The following SGCD variants were observed in gnomAD, a reference collection of about 807,000 sequenced individuals.
The protein encoded by SGCD is delta-sarcoglycan.
Under a neutral mutation model 36.6 loss-of-function variants are expected in SGCD, and 18 were observed. That is an observed-to-expected ratio of 0.49 (90% confidence interval 0.34 to 0.73). The LOEUF is 0.73. Among genes scored for constraint, SGCD ranks in the 30% least tolerant of loss-of-function variants. The probability of loss-of-function intolerance (pLI) is 0.01; values close to 1 mark genes in which losing one functional copy is unlikely to be tolerated. For synonymous variants in SGCD, 133 were observed against 130.6 expected, an observed-to-expected ratio of 1.02 and a Z score of -0.12; for missense variants, 387 against 346.7, an observed-to-expected ratio of 1.12 and a Z score of -0.92.
chr5:156,686,084 A>G (rs1284234437), intron 7 of SGCD, among the ~76,000 whole-genome samples: 3 of 152,200 alleles, frequency 2.0e-5, no homozygotes, highest in Non-Finnish European at 2.9e-5. Context: ...AATTACTAAG[A>G]ATAGCAGCTA....
chr5:156,002,056 G>A (rs148598040), intron 1 of SGCD, among the ~76,000 whole-genome samples: 2 of 152,362 alleles, frequency 1.3e-5, no homozygotes, highest in Non-Finnish European at 2.9e-5. Context: ...TGACGTTACA[G>A]ACTGAATTGT....
chr5:155,799,395 TA>T, the SGCD span, among the ~76,000 whole-genome samples: 9,884 of 150,068 alleles, frequency 0.066, 640 homozygotes, highest in African/African-American at 0.17. Context: ...ACAATGACTT[TA>T]TTTTTTTTTT....
chr5:155,766,490 A>G, the SGCD span, among the ~76,000 whole-genome samples: 42 of 152,236 alleles, frequency 2.8e-4, 3 homozygotes, highest in East Asian at 8.1e-3. Flanking sequence ...TCCAATATTG[A>G]GTGAGAATGA....
chr5:156,590,635 T>C (rs755165828), intron 5 of SGCD, among the ~76,000 whole-genome samples: 14 of 152,198 alleles, frequency 9.2e-5, no homozygotes, highest in Non-Finnish European at 1.9e-4. Context: ...CTGTTGATCA[T>C]TTCCCATTTA....
intron 7 of SGCD, among the ~76,000 whole-genome samples, chr5:156,686,264 C>T (rs577284614): frequency 6.6e-6 from 1 of 152,220 alleles, no homozygotes; most frequent in South Asian, 2.1e-4. Flanking sequence ...GCTCAGCTGC[C>T]ATTCGAATTC....
chr5:156,740,843 A>G (rs1057392797), intron 7 of SGCD, among the ~76,000 whole-genome samples: 22 of 152,208 alleles, frequency 1.4e-4, no homozygotes, highest in African/African-American at 3.1e-4. Context: ...TCTGACCACA[A>G]TGAAATTTCC....
At chr5:156,316,465 T>C (rs767392813) in intron 3 of SGCD, among the ~76,000 whole-genome samples, 1 of 151,736 alleles carries the variant, frequency 6.6e-6, no homozygotes, top group Non-Finnish European at 1.5e-5. Context: ...ACAAAAATAA[T>C]AGGAATCACA....
At chr5:156,546,395 G>A (rs1199811979) in intron 4 of SGCD, among the ~76,000 whole-genome samples, 1 of 152,126 alleles carries the variant, frequency 6.6e-6, no homozygotes, top group Non-Finnish European at 1.5e-5. Context: ...AGGACCAGCA[G>A]GTATGTAGAT....
At chr5:155,853,681 G>A in the SGCD span, among the ~76,000 whole-genome samples, 10 of 152,234 alleles carry the variant, frequency 6.6e-5, no homozygotes, top group African/African-American at 2.2e-4. Flanking sequence ...TTGTGTCAAC[G>A]TTCCCAGAGG....
intron 3 of SGCD, among the ~76,000 whole-genome samples, chr5:156,152,776 T>G (rs2127615459): frequency 6.6e-6 from 1 of 151,828 alleles, no homozygotes; most frequent in South Asian, 2.1e-4. Flanking sequence ...TAGCACTGAC[T>G]TAGATAATGG....
intron 3 of SGCD, among the ~76,000 whole-genome samples, chr5:156,429,186 T>A (rs1008367813): frequency 1.3e-5 from 2 of 151,982 alleles, no homozygotes; most frequent in African/African-American, 4.8e-5. Context: ...AGCTTAAGTG[T>A]TCGGTGCATA....
intron 7 of SGCD, among the ~76,000 whole-genome samples, chr5:156,718,459 A>G (rs913551441): frequency 1.3e-5 from 2 of 151,918 alleles, no homozygotes; most frequent in African/African-American, 4.8e-5. Flanking sequence ...TTTCTTCTCA[A>G]TGTGCTTTGG....
intron 7 of SGCD, among the ~76,000 whole-genome samples, chr5:156,738,289 G>A (rs1295087847): frequency 6.6e-6 from 1 of 152,132 alleles, no homozygotes; most frequent in East Asian, 1.9e-4. Flanking sequence ...GAGGGTATGG[G>A]GAGGACCATA....
intron 3 of SGCD, among the ~76,000 whole-genome samples, chr5:156,425,033 C>T (rs1407964934): frequency 6.6e-6 from 1 of 152,006 alleles, no homozygotes; most frequent in Non-Finnish European, 1.5e-5. Flanking sequence ...AATAGCTTGC[C>T]ATTTTTATCC....
intron 4 of SGCD, among the ~76,000 whole-genome samples, chr5:156,546,559 T>G (rs562786686): frequency 2.0e-4 from 30 of 152,300 alleles, no homozygotes; most frequent in African/African-American, 5.8e-4. Context: ...CTGGATAACT[T>G]TCAGATTATT....
At chr5:155,921,321 C>A (rs942783238) in intron 1 of SGCD, among the ~76,000 whole-genome samples, 5 of 152,060 alleles carry the variant, frequency 3.3e-5, no homozygotes. Flanking sequence ...AGAAAAAACA[C>A]AAAATGACCA....
intron 3 of SGCD, among the ~76,000 whole-genome samples, chr5:156,404,288 G>A (rs1489715057): frequency 2.6e-5 from 4 of 152,158 alleles, no homozygotes; most frequent in Admixed American, 2.0e-4. Context: ...TATCTTCGAT[G>A]CAGAGCTCAA....
At chr5:155,847,776 C>T in the SGCD span, among the ~76,000 whole-genome samples, 1 of 152,194 alleles carries the variant, frequency 6.6e-6, no homozygotes, top group Admixed American at 6.5e-5. Context: ...AACTCTCCAA[C>T]TGTACAAGCC....
intron 1 of SGCD, among the ~76,000 whole-genome samples, chr5:156,099,624 A>G (rs868325043): frequency 3.9e-4 from 60 of 152,266 alleles, no homozygotes; most frequent in African/African-American, 1.3e-3. Flanking sequence ...CTTATTGGTC[A>G]GACTGGTCTT....
Sources: allele counts gnomAD v4.1 joint callset (sites outside exome capture counted in the v4.1 genomes callset), GRCh38; gene constraint gnomAD v4.1.1; transcripts MANE v1.5; gene names NCBI Gene and HGNC (gene_info 2026-07-23, HGNC 2026-07-21).